The following GPC5 variants were observed in gnomAD, a reference collection of about 807,000 sequenced individuals.
The protein encoded by GPC5 is glypican-5.
Under a neutral mutation model 53.9 loss-of-function variants are expected in GPC5, and 47 were observed. That is an observed-to-expected ratio of 0.87 (90% CI 0.69 to 1.11). GPC5 has a LOEUF of 1.11. GPC5 is among the 50% of genes most tolerant of loss of function. GPC5 has a pLI of 0.00. For missense variants in GPC5, 748 were observed against 713.1 expected, an observed-to-expected ratio of 1.05 and a Z score of -0.56; for synonymous variants, 286 against 263.3, an observed-to-expected ratio of 1.09 and a Z score of -0.84.
intron 7 of GPC5, among the ~76,000 whole-genome samples, chr13:92,777,335 CAA>C (rs71202561): frequency 6.3e-5 from 4 of 63,434 alleles, no homozygotes; most frequent in Non-Finnish European, 9.4e-5. Context: ...GACTCCATCT[CAA>C]AAAAAAAAAA....
chr13:92,248,404 T>C (rs375406799), intron 7 of GPC5, among the ~76,000 whole-genome samples: 7 of 152,230 alleles, frequency 4.6e-5, no homozygotes, highest in Middle Eastern at 3.4e-3. Context: ...TTAAAACTTA[T>C]GGTTCTGGGA....
chr13:91,742,244 T>C (rs1008277333), intron 4 of GPC5, among the ~76,000 whole-genome samples: 1 of 152,096 alleles, frequency 6.6e-6, no homozygotes, highest in African/African-American at 2.4e-5. Flanking sequence ...AGCAAACATA[T>C]GGCAAAAGTT....
chr13:92,490,275 G>A (rs1453459822), intron 7 of GPC5: 2 of 153,770 alleles, frequency 1.3e-5, no homozygotes, highest in African/African-American at 4.8e-5. Flanking sequence ...ACTTTTCATT[G>A]TATTATTATA....
In GPC5 at chr13:92,465,684, T is replaced by C. The variant is rs560004742; in HGVS notation, c.1561+320695T>C. Among the ~76,000 whole-genome samples the C allele has an allele frequency of 7.2e-5, 11 of 152,216 alleles. No individual in the cohort carries two copies. In the South Asian group the frequency reaches 2.3e-3, roughly 31 times the overall value. ...AGCAAAACCATTCTTTGTCTTTTTT[T>C]TTCTGAAAAAGTCATTTTGATTTCA... is the stretch of plus-strand genomic sequence containing the variant. On this transcript the variant is annotated intron_variant, in intron 7 of 7. Coordinates refer to ENST00000377067, the MANE Select transcript of GPC5 (RefSeq NM_004466.6).
chr13:91,601,178 A>G (rs2033169460), intron 2 of GPC5, among the ~76,000 whole-genome samples: 1 of 152,210 alleles, frequency 6.6e-6, no homozygotes, highest in African/African-American at 2.4e-5. Flanking sequence ...TTTAAAAACA[A>G]CCAATCAACA....
chr13:91,414,826 C>G (rs1878069238), intron 1 of GPC5, among the ~76,000 whole-genome samples: 1 of 152,120 alleles, frequency 6.6e-6, no homozygotes, highest in Admixed American at 6.5e-5. Flanking sequence ...TGGCTATTTT[C>G]CAACTAACTA....
At chr13:91,402,009 C>A (rs1876990240) in intron 1 of GPC5, among the ~76,000 whole-genome samples, 1 of 152,108 alleles carries the variant, frequency 6.6e-6, no homozygotes, top group Non-Finnish European at 1.5e-5. Context: ...CTGAAAGTGT[C>A]TTTTAAAGGT....
chr13:92,776,968 A>C (rs1209262750), intron 7 of GPC5, among the ~76,000 whole-genome samples: 1 of 139,432 alleles, frequency 7.2e-6, no homozygotes, highest in East Asian at 2.5e-4. Context: ...AGTTGCAGTG[A>C]GCCAAGATTG....
At chr13:92,167,928 G>A (rs997111563) in intron 7 of GPC5, among the ~76,000 whole-genome samples, 5 of 152,068 alleles carry the variant, frequency 3.3e-5, no homozygotes, top group African/African-American at 1.2e-4. Flanking sequence ...AAGTAGAAGT[G>A]ACACATCGTT....
chr13:92,569,281 A>G (rs978918297), intron 7 of GPC5, among the ~76,000 whole-genome samples: 2 of 151,776 alleles, frequency 1.3e-5, no homozygotes. Context: ...GAATGCTCAC[A>G]CTGTCCTCCT....
intron 7 of GPC5, among the ~76,000 whole-genome samples, chr13:92,566,639 C>G (rs1882872516): frequency 6.6e-6 from 1 of 152,010 alleles, no homozygotes; most frequent in African/African-American, 2.4e-5. Context: ...TAATCTGGCT[C>G]TAGTGTTATG....
At chr13:91,405,754 G>C (rs923857159) in intron 1 of GPC5, among the ~76,000 whole-genome samples, 1 of 152,120 alleles carries the variant, frequency 6.6e-6, no homozygotes, top group African/African-American at 2.4e-5. Context: ...TTGGTTTAAT[G>C]TTCTCTTGTC....
chr13:91,572,238 C>CAT (rs2031946474), intron 2 of GPC5, among the ~76,000 whole-genome samples: 4 of 97,266 alleles, frequency 4.1e-5, no homozygotes, highest in African/African-American at 1.9e-4. Flanking sequence ...TATGTATATA[C>CAT]ATGTGTATAT....
chr13:91,624,254 G>A (rs770149717), intron 2 of GPC5, among the ~76,000 whole-genome samples: 5 of 152,214 alleles, frequency 3.3e-5, no homozygotes, highest in African/African-American at 4.8e-5. Flanking sequence ...TTTATGAGAA[G>A]CCCAAGAGTG....
intron 3 of GPC5, among the ~76,000 whole-genome samples, chr13:91,712,278 G>A (rs1479175863): frequency 6.6e-6 from 1 of 151,634 alleles, no homozygotes; most frequent in Admixed American, 6.6e-5. Context: ...TACATCAAAA[G>A]CAAAGTTGTT....
chr13:91,728,402 A>T lies in GPC5; in HGVS notation c.1021-130A>T, dbSNP rs1046787657. 6.0e-6 allele frequency: 4 copies of T among 670,484 alleles called. No individual in the cohort carries two copies. In the African/African-American group the frequency reaches 7.4e-5, roughly 12 times the overall value. The allele number at this position is 670,484 out of a possible 1,614,324, so 41.5% of individuals were successfully genotyped here. A position where few individuals can be genotyped will look rare whatever the true frequency, so the allele number is the denominator to read the frequency against. ...AAAAATTGACAAACATTATATATAC[A>T]TATTATATTTAAGATTAATATTGAG... On this transcript the variant is annotated intron_variant, in intron 3 of 7. Transcript: ENST00000377067.
chr13:92,545,056 C>T (rs1051061331), intron 7 of GPC5, among the ~76,000 whole-genome samples: 1 of 151,996 alleles, frequency 6.6e-6, no homozygotes, highest in Non-Finnish European at 1.5e-5. Context: ...TCTCCTAATG[C>T]TATACCTCCC....
intron 7 of GPC5, among the ~76,000 whole-genome samples, chr13:92,689,210 T>G (rs1445718985): frequency 7.6e-5 from 5 of 65,722 alleles, no homozygotes; most frequent in African/African-American, 1.9e-4. Context: ...TAAGTCTCTT[T>G]GTAGGTCACT....
chr13:92,739,631 G>A lies in GPC5; in HGVS notation c.1562-126651G>A, dbSNP rs140929705. On this transcript the variant is annotated intron_variant, in intron 7 of 7. Coordinates refer to ENST00000377067, the MANE Select transcript of GPC5 (RefSeq NM_004466.6). Reference sequence around the variant, plus strand: ...TCTCACCTTTTCAAACTATCATTACGTCATCTCTCTTCAGCAACATCAATT... The same window carrying A: ...TCTCACCTTTTCAAACTATCATTACATCATCTCTCTTCAGCAACATCAATT... Among the ~76,000 whole-genome samples, 307 of 150,516 alleles carry A rather than the reference G, an allele frequency of 2.0e-3. 1 individual carries two copies. The highest frequency in any genetic ancestry group is 7.1e-3 in the African/African-American group (292 of 40,898).
Sources: gnomAD v4.1 joint callset for allele counts (sites outside exome capture counted in the v4.1 genomes callset) on GRCh38, gnomAD v4.1.1 for gene constraint, MANE v1.5 for transcripts, NCBI Gene and HGNC (gene_info 2026-07-23, HGNC 2026-07-21) for gene names.